Variants in GRID1 observed in about 807,000 individuals in gnomAD.
The protein encoded by GRID1 is glutamate ionotropic receptor delta type subunit 1, also known as glutamate receptor ionotropic, delta-1.
GRID1 carries 28 observed loss-of-function variants against 98.0 expected under a neutral mutation model. That is an observed-to-expected ratio of 0.29 (90% CI 0.21 to 0.39). GRID1 has a LOEUF of 0.39. Among genes scored for constraint, GRID1 ranks in the 10% least tolerant of loss-of-function variants. The probability of loss-of-function intolerance (pLI) is 1.00; values close to 1 mark genes in which losing one functional copy is unlikely to be tolerated. For missense variants in GRID1, 1,111 were observed against 1,340.5 expected, an observed-to-expected ratio of 0.83 and a Z score of 2.67; for synonymous variants, 553 against 538.5, an observed-to-expected ratio of 1.03 and a Z score of -0.37.
intron 8 of GRID1, among the ~76,000 whole-genome samples, chr10:85,797,227 T>C (rs1349397943): frequency 1.3e-5 from 2 of 151,976 alleles, no homozygotes; most frequent in Non-Finnish European, 2.9e-5. Flanking sequence ...ATTTCAAATT[T>C]CCTTTTTTTT....
chr10:86,060,535 GCACAGGCACAAAAGT>G (rs1266596212), intron 4 of GRID1, among the ~76,000 whole-genome samples: 1 of 152,176 alleles, frequency 6.6e-6, no homozygotes, highest in Non-Finnish European at 1.5e-5. Flanking sequence ...CAGCTCAGGG[GCACAGGCACAAAAGT>G]CACAGCCAGG....
At chr10:85,842,649 G>T (rs1842971477) in intron 8 of GRID1, among the ~76,000 whole-genome samples, 1 of 151,984 alleles carries the variant, frequency 6.6e-6, no homozygotes. Context: ...TGACAAGTTA[G>T]AAGAAATGAC....
At chr10:85,803,134 A>G (rs1842592704) in intron 8 of GRID1, among the ~76,000 whole-genome samples, 1 of 152,122 alleles carries the variant, frequency 6.6e-6, no homozygotes, top group South Asian at 2.1e-4. Context: ...CAAAACATAT[A>G]GTTAAAAGAA....
chr10:85,988,708 T>C (rs1842642015), intron 4 of GRID1, among the ~76,000 whole-genome samples: 2 of 152,104 alleles, frequency 1.3e-5, no homozygotes, highest in African/African-American at 4.8e-5. Flanking sequence ...TAGATGCACG[T>C]GGGTATGGGC....
chr10:85,956,484 T>G (rs750821810), intron 4 of GRID1, among the ~76,000 whole-genome samples: 1 of 152,200 alleles, frequency 6.6e-6, no homozygotes, highest in African/African-American at 2.4e-5. Flanking sequence ...CTTTAAAAAG[T>G]TTAAAATAGA....
At chr10:86,003,144 A>T (rs1412501650) in intron 4 of GRID1, among the ~76,000 whole-genome samples, 1 of 152,236 alleles carries the variant, frequency 6.6e-6, no homozygotes, top group Non-Finnish European at 1.5e-5. Flanking sequence ...GACACTTGAC[A>T]CATTCATTTA....
intron 2 of GRID1, among the ~76,000 whole-genome samples, chr10:86,325,029 C>A (rs1369121726): frequency 6.6e-6 from 1 of 152,086 alleles, no homozygotes; most frequent in Non-Finnish European, 1.5e-5. Flanking sequence ...AGTCATGACA[C>A]TATATGAACC....
chr10:85,801,076 A>G (rs1052751812), intron 8 of GRID1, among the ~76,000 whole-genome samples: 2 of 152,118 alleles, frequency 1.3e-5, no homozygotes, highest in African/African-American at 2.4e-5. Context: ...TTAAAAAGTG[A>G]CATAATTAAC....
intron 12 of GRID1, among the ~76,000 whole-genome samples, chr10:85,657,255 T>C (rs2132564892): frequency 6.6e-6 from 1 of 152,290 alleles, no homozygotes; most frequent in East Asian, 1.9e-4. Flanking sequence ...CAACTTGACA[T>C]ATATGGCTGC....
chr10:85,780,644 A>G (rs1311744637), intron 8 of GRID1, among the ~76,000 whole-genome samples: 1 of 152,216 alleles, frequency 6.6e-6, no homozygotes, highest in Non-Finnish European at 1.5e-5. Flanking sequence ...TAGTTATGAC[A>G]ATGGCACTTC....
chr10:85,893,443 A>C (rs991419913), intron 5 of GRID1, among the ~76,000 whole-genome samples: 5 of 152,186 alleles, frequency 3.3e-5, no homozygotes, highest in African/African-American at 1.2e-4. Context: ...AGAATAGTTC[A>C]CTATATTCAG....
At chr10:86,333,864 A>G (rs1388504621) in intron 2 of GRID1, among the ~76,000 whole-genome samples, 2 of 152,134 alleles carry the variant, frequency 1.3e-5, no homozygotes, top group Middle Eastern at 6.3e-3. Context: ...TGGTTATGCT[A>G]TCTCAGGGTT....
intron 4 of GRID1, among the ~76,000 whole-genome samples, chr10:86,082,880 T>C (rs1843997133): frequency 6.6e-6 from 1 of 152,186 alleles, no homozygotes; most frequent in Admixed American, 6.5e-5. Flanking sequence ...TCCTTTGTAG[T>C]GTGTTCCCAG....
intron 3 of GRID1, among the ~76,000 whole-genome samples, chr10:86,200,013 A>G (rs539012834): frequency 6.6e-6 from 1 of 151,960 alleles, no homozygotes; most frequent in Non-Finnish European, 1.5e-5. Context: ...CTGTCTCTCC[A>G]GTCTTATCCC....
chr10:86,334,081 C>T (rs1252300557), intron 2 of GRID1, among the ~76,000 whole-genome samples: 2 of 151,970 alleles, frequency 1.3e-5, no homozygotes, highest in Admixed American at 1.3e-4. Flanking sequence ...TCACTCATGG[C>T]AAAGGCTGCC....
At chr10:85,744,398 G>A (rs1464005529) in intron 8 of GRID1, among the ~76,000 whole-genome samples, 1 of 151,616 alleles carries the variant, frequency 6.6e-6, no homozygotes, top group Non-Finnish European at 1.5e-5. Context: ...ACAGAACAGA[G>A]CCCTCAGAAA....
chr10:85,607,385 A>G (rs371237971), intron 15 of GRID1, among the ~76,000 whole-genome samples: 1 of 152,216 alleles, frequency 6.6e-6, no homozygotes. Context: ...ATTACCACTG[A>G]CACCAATCAG....
At chr10:85,639,703 A>G (rs900836508) in intron 13 of GRID1, among the ~76,000 whole-genome samples, 9 of 152,258 alleles carry the variant, frequency 5.9e-5, no homozygotes, top group Admixed American at 5.2e-4. Context: ...GAGAAACTCC[A>G]TCTCTACTAA....
At chr10:85,902,698 C>T (rs944466420) in intron 5 of GRID1, among the ~76,000 whole-genome samples, 2 of 152,192 alleles carry the variant, frequency 1.3e-5, no homozygotes, top group Admixed American at 6.5e-5. Context: ...CCTGATTCTG[C>T]CACTTACTAA....
Sources: gnomAD v4.1 joint callset for allele counts (sites outside exome capture counted in the v4.1 genomes callset) on GRCh38, gnomAD v4.1.1 for gene constraint, MANE v1.5 for transcripts, NCBI Gene and HGNC (gene_info 2026-07-23, HGNC 2026-07-21) for gene names.